The following PSAP variants were observed in gnomAD, a reference collection of about 807,000 sequenced individuals.
PSAP encodes prosaposin.
PSAP carries 25 observed loss-of-function variants against 66.0 expected under a neutral mutation model. That is an observed-to-expected ratio of 0.38 (90% CI 0.28 to 0.53). PSAP has a LOEUF of 0.53. Among genes scored for constraint, PSAP ranks in the 20% least tolerant of loss-of-function variants. PSAP has a pLI of 0.83. For missense variants in PSAP, 649 were observed against 668.8 expected (o/e 0.97, Z 0.33); for synonymous variants, 273 against 258.9 (o/e 1.05, Z -0.52).
rs777725459 is a variant in PSAP, at chr10:71,828,059, A to G, written c.675T>C (p.His225=). 6.2e-7 allele frequency: 1 copy of G among 1,614,164 alleles called. No homozygotes were observed. The highest frequency in any genetic ancestry group is 8.5e-7 in the Non-Finnish European group (1 of 1,180,024). ...CCAGGCGGTCACACTCCTCCTTGAC[A>G]TGTTCCACCAAGGCCTGGACAAAGG... ...NSTFVQALVE[H]VKEECDRLGP... Residue 225 remains histidine, a synonymous_variant, in exon 6 of 14, where the codon CAT becomes CAC. Transcript: ENST00000394936.
intron 1 of PSAP, 114 bp downstream of exon 1, chr10:71,851,068 C>A: frequency 3.2e-6 from 4 of 1,263,762 alleles, no homozygotes; most frequent in Non-Finnish European, 4.5e-6. Context: ...GTGCGCGCGC[C>A]CCCTTGCCAA....
chr10:71,835,194 G>A (rs1842596870), intron 1 of PSAP, among the ~76,000 whole-genome samples: 2 of 151,648 alleles, frequency 1.3e-5, no homozygotes, highest in South Asian at 4.2e-4. Flanking sequence ...GTGAGCCTGG[G>A]TGACAGAGCG....
chr10:71,826,972 G>A (rs1372838332), intron 6 of PSAP, among the ~76,000 whole-genome samples: 2 of 152,114 alleles, frequency 1.3e-5, no homozygotes, highest in Admixed American at 1.3e-4. Context: ...CTAAGTAAGG[G>A]GCCAAGAAAA....
intron 1 of PSAP, among the ~76,000 whole-genome samples, chr10:71,848,992 T>C (rs1206598209): frequency 3.3e-5 from 5 of 152,124 alleles, no homozygotes; most frequent in Non-Finnish European, 5.9e-5. Flanking sequence ...CAGAGGTGGA[T>C]TTTATATTTC....
chr10:71,821,242 G>A (rs1348729415), intron 8 of PSAP, among the ~76,000 whole-genome samples: 1 of 152,232 alleles, frequency 6.6e-6, no homozygotes, highest in Non-Finnish European at 1.5e-5. Flanking sequence ...CAAGAAGCGT[G>A]TACATGTGCC....
chr10:71,831,391 A>G (rs1286088019), intron 3 of PSAP, 140 bp from the exon 4 acceptor site: 1 of 1,065,142 alleles, frequency 9.4e-7, no homozygotes, highest in African/African-American at 1.6e-5. Context: ...GGACTTGGCC[A>G]TGTTACCTAT....
intron 4 of PSAP, among the ~76,000 whole-genome samples, chr10:71,829,592 C>CT (rs528017153): frequency 1.3e-3 from 194 of 152,226 alleles, no homozygotes; most frequent in African/African-American, 4.4e-3. Context: ...TCCATTAAAC[C>CT]TTTTTTTCTT....
intron 1 of PSAP, 152 bp downstream of exon 1, chr10:71,851,030 A>G (rs916711198): frequency 2.0e-5 from 17 of 837,218 alleles, no homozygotes; most frequent in African/African-American, 3.4e-5. Flanking sequence ...AGAGAAAGCC[A>G]GAGAAAGCCA....
In PSAP at chr10:71,828,023, C is replaced by T. The variant is rs1842427566; in HGVS notation, c.711G>A (p.Met237Ile). ...KEECDRLGPG[M>I]ADICKNYISQ... ...AGGACACAAGGCTCACTATGTCGGC[C>T]ATGCCAGGGCCCAGGCGGTCACACT... The change falls in exon 6 of 14, where the codon ATG (methionine) becomes ATA (isoleucine). Residue 237 changes from methionine (M) to isoleucine (I), a missense_variant. Transcript: ENST00000394936. The T allele has an allele frequency of 5.0e-6, 8 of 1,614,198 alleles. No individual in the cohort carries two copies. Among genetic ancestry groups the T allele is most frequent in the Non-Finnish European group, 6.8e-6 (8 of 1,180,026 alleles).
chr10:71,842,517 A>G (rs1322265382), intron 1 of PSAP, among the ~76,000 whole-genome samples: 1 of 152,202 alleles, frequency 6.6e-6, no homozygotes, highest in Non-Finnish European at 1.5e-5. Flanking sequence ...CTCAATAACT[A>G]ATTAGTATAT....
In PSAP at chr10:71,829,018, T is replaced by C. The variant is rs1842457377; in HGVS notation, c.435A>G (p.Leu145=). 1.2e-6 allele frequency: 2 copies of C among 1,614,144 alleles called. No individual in the cohort carries two copies. Among genetic ancestry groups the C allele is most frequent in the Non-Finnish European group, 8.5e-7 (1 of 1,180,012 alleles). The change falls in exon 5 of 14, where the codon CTA becomes CTG. Residue 145 remains leucine, a synonymous_variant. Transcript: ENST00000394936. The stretch of plus-strand genomic sequence containing the variant: ...GCTGCTTCTGGTGATTCAGCTCTGC[T>C]AGGTGCTTCTGGAGAGACTCGCAGA... ...LNLCESLQKH[L]AELNHQKQLE...
intron 6 of PSAP, among the ~76,000 whole-genome samples, chr10:71,827,758 T>C (rs1278819263): frequency 6.6e-6 from 1 of 150,794 alleles, no homozygotes; most frequent in Non-Finnish European, 1.5e-5. Flanking sequence ...GGGCAAAAAG[T>C]ATTTCTACAG....
chr10:71,831,799 T>G (rs1261433707), intron 3 of PSAP, 47 bp downstream of exon 3: 2 of 1,564,296 alleles, frequency 1.3e-6, no homozygotes, highest in Non-Finnish European at 1.8e-6. Flanking sequence ...TAGGAACCAG[T>G]GCACGTGCCC....
rs1196755915 is a variant in PSAP at position 71,817,359 on chromosome 10, G to A, written c.*82C>T. On this transcript the variant is annotated 3_prime_UTR_variant, in exon 14 of 14. Transcript: ENST00000394936. ...CCTATTTTTATAACAAAGTCAAACA[G>A]ATCTGTGCGTTCATTCCCCCAGACA... is the stretch of plus-strand genomic sequence containing the variant. The A allele has an allele frequency of 1.4e-5, 20 of 1,420,682 alleles. No individual in the cohort carries two copies. The highest frequency in any genetic ancestry group is 1.3e-5 in the Non-Finnish European group (13 of 1,004,122). 88.0% of individuals were successfully genotyped at this position (1,420,682 alleles called of 1,614,324 possible).
intron 1 of PSAP, among the ~76,000 whole-genome samples, chr10:71,843,649 C>CGTCGAT (rs1160567549): frequency 6.6e-6 from 1 of 152,114 alleles, no homozygotes; most frequent in Admixed American, 6.5e-5. Flanking sequence ...GTTTATTAGA[C>CGTCGAT]GTCGATGTCC....
intron 1 of PSAP, among the ~76,000 whole-genome samples, chr10:71,847,753 TA>T (rs761675403): frequency 5.8e-4 from 88 of 152,178 alleles, no homozygotes; most frequent in Non-Finnish European, 1.1e-3. Flanking sequence ...ATTATACTCT[TA>T]TTTTCACAGA....
At chr10:71,851,151 T>C in intron 1 of PSAP, 31 bp downstream of exon 1, 1 of 1,550,246 alleles carries the variant, frequency 6.5e-7, no homozygotes, top group Non-Finnish European at 8.7e-7. Flanking sequence ...GCGAGGCACC[T>C]CCTCCCCAGG....
At chr10:71,846,224 G>A (rs561512407) in intron 1 of PSAP, among the ~76,000 whole-genome samples, 1 of 152,052 alleles carries the variant, frequency 6.6e-6, no homozygotes, top group Non-Finnish European at 1.5e-5. Context: ...CTTGCCCAAG[G>A]TCGTACGGCT....
At chr10:71,851,071 C>T in intron 1 of PSAP, 111 bp downstream of exon 1, 1 of 1,324,466 alleles carries the variant, frequency 7.6e-7, no homozygotes, top group Admixed American at 2.0e-5. Context: ...CGCGCGCCCC[C>T]TTGCCAACTA....
Sources: gnomAD v4.1 joint callset for allele counts (sites outside exome capture counted in the v4.1 genomes callset) on GRCh38, gnomAD v4.1.1 for gene constraint, MANE v1.5 for transcripts, NCBI Gene and HGNC (gene_info 2026-07-23, HGNC 2026-07-21) for gene names.